UROC1: variants seen among roughly 807,000 people sequenced by gnomAD.
UROC1 encodes the protein urocanate hydratase 1, also known as urocanate hydratase.
A neutral mutation model predicts 89.5 loss-of-function variants in UROC1; 79 were observed. That is an observed-to-expected ratio of 0.88 (90% CI 0.74 to 1.06). The LOEUF is 1.06. Ranked by LOEUF, UROC1 falls within the 50% of genes least tolerant of loss-of-function variation. The pLI is 0.00. For synonymous variants in UROC1, 361 were observed against 354.8 expected (o/e 1.02, Z -0.20); for missense variants, 885 against 907.8 (o/e 0.97, Z 0.32).
At chr3:126,501,879 G>C in intron 9 of UROC1, 1 of 1,599,456 alleles carries the variant, frequency 6.3e-7, no homozygotes, top group Non-Finnish European at 8.5e-7. Flanking sequence ...AGCAGGAAAG[G>C]ACACACAGTC....
chr3:126,501,106 A>G, intron 10 of UROC1, 112 bp downstream of exon 10: 1 of 1,300,084 alleles, frequency 7.7e-7, no homozygotes, highest in Non-Finnish European at 1.1e-6. Flanking sequence ...GTGGCGCTGA[A>G]CTGGGGCTCA....
chr3:126,505,811 C>G lies in UROC1; in HGVS notation c.703G>C (p.Gly235Arg). ...ACCTTCCCAGCCAAGTCCTCGATGC[C>G]CAGGTACCGACGTGCAGCATTCAAC... is the stretch of plus-strand genomic sequence containing the variant. ...TVLNAARRYL[G>R]IEDLAGKVFV... is the part of the protein sequence containing the mutation. Residue 235 changes from glycine to arginine, a missense_variant, in exon 8 of 20, where the codon GGC becomes CGC. By Grantham distance (125) the Gly-to-Arg change is moderately radical. Transcript: ENST00000290868. 1 of 1,613,882 alleles carries G rather than the reference C, an allele frequency of 6.2e-7. No homozygotes were observed. Among genetic ancestry groups the G allele is most frequent in the Non-Finnish European group, 8.5e-7 (1 of 1,180,040 alleles).
Position 126,482,966 on chromosome 3 carries a change from A to G in UROC1, c.1890+403T>C, listed in dbSNP as rs532245925. ...CCATGCCACAGCCGGGGCATCTCCTAGAACAAAACCTCTTGCTCTGGGATG... is the reference window on the plus strand; with the variant it reads ...CCATGCCACAGCCGGGGCATCTCCTGGAACAAAACCTCTTGCTCTGGGATG... On this transcript the variant is annotated intron_variant, in intron 19 of 19. Coordinates refer to ENST00000290868, the MANE Select transcript of UROC1 (RefSeq NM_144639.3). Among the ~76,000 whole-genome samples the G allele has an allele frequency of 7.2e-5, 11 of 152,038 alleles. No individual in the cohort carries two copies. In the South Asian group the frequency reaches 2.3e-3, roughly 32 times the overall value.
At chr3:126,504,257 C>T (rs1936004432) in intron 8 of UROC1, among the ~76,000 whole-genome samples, 174 bp from the exon 9 acceptor site, 1 of 152,148 alleles carries the variant, frequency 6.6e-6, no homozygotes, top group East Asian at 1.9e-4. Context: ...TTCCTTCTCC[C>T]ACCTCCCTTA....
intron 15 of UROC1, among the ~76,000 whole-genome samples, chr3:126,493,930 G>T (rs747516903): frequency 1.4e-4 from 22 of 152,300 alleles, no homozygotes; most frequent in Non-Finnish European, 2.6e-4. Flanking sequence ...GCACCTGACC[G>T]CAAGCTCAGC....
chr3:126,493,361 C>A (rs190705374), intron 15 of UROC1, among the ~76,000 whole-genome samples: 1 of 152,210 alleles, frequency 6.6e-6, no homozygotes, highest in Non-Finnish European at 1.5e-5. Context: ...GAGGTGGAGG[C>A]GACCTGGGTA....
chr3:126,508,981 C>G (rs1264510919), intron 3 of UROC1, among the ~76,000 whole-genome samples: 2 of 152,110 alleles, frequency 1.3e-5, no homozygotes, highest in Non-Finnish European at 2.9e-5. Flanking sequence ...CAGCTCTGCT[C>G]CTTGCATAGA....
intron 1 of UROC1, among the ~76,000 whole-genome samples, chr3:126,511,835 G>T (rs1404834308): frequency 1.3e-5 from 2 of 152,082 alleles, no homozygotes; most frequent in Non-Finnish European, 2.9e-5. Flanking sequence ...ATTTCCATTT[G>T]CTAACCATTG....
rs1183521207 is a variant in UROC1 at position 126,482,133 on chromosome 3, G to A, written c.*212C>T. The A allele has an allele frequency of 7.4e-6, 5 of 671,674 alleles. No homozygotes were observed. Among genetic ancestry groups the A allele is most frequent in the Non-Finnish European group, 1.2e-5 (5 of 402,566 alleles). The allele number at this position is 671,674 out of a possible 1,614,324, so 41.6% of individuals were successfully genotyped here. A position where few individuals can be genotyped will look rare whatever the true frequency, so the allele number is the denominator to read the frequency against. ...TCAGGGCTCCCATGCAAGTGGCATG[G>A]TTGTGGACAGAGAGCTGCATGTCTC... is the stretch of plus-strand genomic sequence containing the variant. On this transcript the variant is annotated 3_prime_UTR_variant, in exon 20 of 20. Transcript: ENST00000290868.
At chr3:126,515,555 TA>T (rs1269662291) in intron 1 of UROC1, among the ~76,000 whole-genome samples, 1 of 28,940 alleles carries the variant, frequency 3.5e-5, no homozygotes, top group Non-Finnish European at 6.5e-5. Context: ...ACCCACCACC[TA>T]CCCCCTTCCA....
intron 2 of UROC1, among the ~76,000 whole-genome samples, chr3:126,509,909 C>T (rs6439016): frequency 0.055 from 8,451 of 152,316 alleles, 710 homozygotes; most frequent in African/African-American, 0.18. Context: ...ACCTGGGAGA[C>T]AGCTGCTGGC....
intron 1 of UROC1, among the ~76,000 whole-genome samples, chr3:126,512,796 T>C (rs1192308497): frequency 6.6e-6 from 1 of 152,142 alleles, no homozygotes; most frequent in Non-Finnish European, 1.5e-5. Context: ...TTGTATGTAA[T>C]AGTTGTGCCA....
chr3:126,503,933 T>A, intron 9 of UROC1, 62 bp downstream of exon 9: 1 of 1,598,488 alleles, frequency 6.3e-7, no homozygotes, highest in East Asian at 2.2e-5. Flanking sequence ...GGGGGTCCTC[T>A]TGTGGTCTCC....
At chr3:126,483,319 C>T (rs1380220282) in intron 19 of UROC1, 50 bp downstream of exon 19, 1 of 1,555,162 alleles carries the variant, frequency 6.4e-7, no homozygotes, top group South Asian at 1.1e-5. Flanking sequence ...TGGGGATCAC[C>T]CAGCTGAAGG....
chr3:126,511,087 A>C (rs1447219694), intron 1 of UROC1, among the ~76,000 whole-genome samples: 1 of 152,124 alleles, frequency 6.6e-6, no homozygotes, highest in Non-Finnish European at 1.5e-5. Context: ...ACCCCCAGGC[A>C]GGCACCAGAG....
At position 126,500,765 on chromosome 3, in the gene UROC1, G is replaced by A. The variant is rs1211857311; in HGVS notation, c.1075C>T (p.Leu359Phe). ...PFNGGYYPVQ[L>F]SFTEAQSLMA... ...AGGCTCTGGGCCTCCGTGAAGCTGA[G>A]CTGCACAGGGTAGTAGCCGCCATTG... The change falls in exon 11 of 20, where the codon CTC becomes TTC. Residue 359 changes from leucine (L) to phenylalanine (F), a missense_variant. Leu to Phe is a conservative substitution (Grantham distance 22, BLOSUM62 0). Transcript: ENST00000290868. The A allele has an allele frequency of 1.9e-6, 3 of 1,613,980 alleles. No homozygotes were observed. The highest frequency in any genetic ancestry group is 1.6e-4 in the Middle Eastern group (1 of 6,084).
At position 126,507,755 on chromosome 3, in the gene UROC1, A is replaced by G; in HGVS notation, c.589T>C (p.Leu197=). The change falls in exon 6 of 20, where the codon TTG becomes CTG. Residue 197 remains leucine, a synonymous_variant. Transcript: ENST00000290868. ...SRTEYEKLFA[L]GVTMYGQMTA... ...ATAGTGACTTACATTGTAACCCCCA[A>G]GGCAAAGAGCTTCTCATACTCCGTC... 6.2e-7 allele frequency: 1 copy of G among 1,614,206 alleles called. No homozygotes were observed. The highest frequency in any genetic ancestry group is 1.1e-5 in the South Asian group (1 of 91,086).
In UROC1 at chr3:126,482,390, G is replaced by A. The variant is rs753650561; in HGVS notation, c.1986C>T (p.His662=). 1.2e-6 allele frequency: 2 copies of A among 1,613,878 alleles called. No individual in the cohort carries two copies. Among genetic ancestry groups the A allele is most frequent in the African/African-American group, 1.3e-5 (1 of 75,048 alleles). ...GGAGCACCCGCTCGTCCTCCACCTT[G>A]TGAGGCAGTGTCACCACCAAGGTGC... ...ENSTLVVTLP[H]KVEDERVLQQ... The change falls in exon 20 of 20, where the codon CAC becomes CAT. Residue 662 remains histidine, a synonymous_variant. Transcript: ENST00000290868.
intron 10 of UROC1, 86 bp downstream of exon 10, chr3:126,501,132 G>T: frequency 7.1e-7 from 1 of 1,415,824 alleles, no homozygotes; most frequent in Non-Finnish European, 1.0e-6. Flanking sequence ...TTGTGTCCTG[G>T]CAGCTCCTGG....
Sources: allele counts gnomAD v4.1 joint callset (sites outside exome capture counted in the v4.1 genomes callset), GRCh38; gene constraint gnomAD v4.1.1; transcripts MANE v1.5; gene names NCBI Gene and HGNC (gene_info 2026-07-23, HGNC 2026-07-21).